LRRC4C: variants seen among roughly 807,000 people sequenced by gnomAD.
The protein encoded by LRRC4C is leucine-rich repeat-containing protein 4C.
Under a neutral mutation model 33.6 loss-of-function variants are expected in LRRC4C, and 5 were observed. The observed-to-expected ratio is 0.15, with a 90% confidence interval of 0.08 to 0.31. The LOEUF is 0.31. Ranked by LOEUF, LRRC4C falls within the 10% of genes least tolerant of loss-of-function variation. LRRC4C has a pLI of 1.00. For missense variants in LRRC4C, 560 were observed against 796.7 expected (o/e 0.70, Z 3.58); for synonymous variants, 329 against 302.0 (o/e 1.09, Z -0.93).
chr11:41,143,012 A>G (rs760091737), intron 1 of LRRC4C, among the ~76,000 whole-genome samples: 5 of 152,132 alleles, frequency 3.3e-5, no homozygotes, highest in Non-Finnish European at 7.4e-5. Context: ...GTTATAGAAA[A>G]TTCTAGATTC....
intron 2 of LRRC4C, among the ~76,000 whole-genome samples, chr11:40,688,145 A>G (rs1945049619): frequency 6.6e-6 from 1 of 152,126 alleles, no homozygotes; most frequent in African/African-American, 2.4e-5. Flanking sequence ...ATTATCCCGT[A>G]ATTAGTTTTT....
intron 2 of LRRC4C, among the ~76,000 whole-genome samples, chr11:40,884,895 CT>C (rs1210185618): frequency 6.6e-6 from 1 of 151,946 alleles, no homozygotes; most frequent in Non-Finnish European, 1.5e-5. Flanking sequence ...AAGTGAAATA[CT>C]TCATGTCCTC....
In LRRC4C at chr11:40,114,946, A is replaced by C. The variant is rs776756183; in HGVS notation, c.1347T>G (p.Thr449=). ...ATLNVTAATT[T]PFSYFSTVTV... is the part of the protein sequence containing the mutation. ...TGACGGTTGAAAAGTAAGAGAAAGG[A>C]GTAGTGGTTGCTGCAGTAACATTCA... The change falls in exon 7 of 7, where the codon ACT becomes ACG. Residue 449 remains threonine (T), a synonymous_variant. Coordinates refer to ENST00000528697, the MANE Select transcript of LRRC4C (RefSeq NM_001258419.2). 1 of 1,614,152 alleles carries C rather than the reference A, an allele frequency of 6.2e-7. No homozygotes were observed. Among genetic ancestry groups the C allele is most frequent in the Non-Finnish European group, 8.5e-7 (1 of 1,180,028 alleles).
intron 2 of LRRC4C, among the ~76,000 whole-genome samples, chr11:40,749,171 ATTC>A (rs1948568841): frequency 6.6e-6 from 1 of 152,156 alleles, no homozygotes; most frequent in Admixed American, 6.5e-5. Flanking sequence ...CAGAATACAT[ATTC>A]TTCTCATCAG....
intron 2 of LRRC4C, among the ~76,000 whole-genome samples, chr11:40,710,595 A>G (rs978834961): frequency 3.9e-5 from 6 of 152,146 alleles, no homozygotes; most frequent in African/African-American, 1.4e-4. Flanking sequence ...TTAGTCTCAG[A>G]GGGGCACCCG....
intron 1 of LRRC4C, among the ~76,000 whole-genome samples, chr11:41,386,474 C>A (rs1953365134): frequency 6.6e-6 from 1 of 151,636 alleles, no homozygotes; most frequent in Non-Finnish European, 1.5e-5. Flanking sequence ...AATCTAGTAT[C>A]TTAACTGCAG....
chr11:40,478,047 C>T (rs999688462), intron 3 of LRRC4C, among the ~76,000 whole-genome samples: 3 of 152,166 alleles, frequency 2.0e-5, no homozygotes, highest in Non-Finnish European at 4.4e-5. Context: ...ATGACTTGCT[C>T]CTCCTTGCCT....
intron 1 of LRRC4C, among the ~76,000 whole-genome samples, chr11:41,292,973 T>C (rs547559564): frequency 6.6e-6 from 1 of 152,138 alleles, no homozygotes; most frequent in Admixed American, 6.5e-5. Context: ...CCATTACTTA[T>C]AATATTGAAA....
At chr11:40,935,771 C>T (rs575588258) in intron 1 of LRRC4C, among the ~76,000 whole-genome samples, 6 of 151,640 alleles carry the variant, frequency 4.0e-5, no homozygotes, top group African/African-American at 1.2e-4. Context: ...GGGTGGTTGA[C>T]GTTTTCAGAT....
chr11:41,037,993 C>T (rs942031886), intron 1 of LRRC4C, among the ~76,000 whole-genome samples: 9 of 152,172 alleles, frequency 5.9e-5, no homozygotes, highest in Non-Finnish European at 1.3e-4. Context: ...CTGACGAAAA[C>T]GTCCAACCAC....
At chr11:41,400,753 A>G (rs2138101289) in intron 1 of LRRC4C, among the ~76,000 whole-genome samples, 1 of 152,034 alleles carries the variant, frequency 6.6e-6, no homozygotes, top group South Asian at 2.1e-4. Flanking sequence ...TTTTGTGTCC[A>G]TATGAGATTA....
At chr11:40,582,916 G>T (rs753489332) in intron 3 of LRRC4C, among the ~76,000 whole-genome samples, 6 of 151,876 alleles carry the variant, frequency 4.0e-5, no homozygotes, top group Non-Finnish European at 5.9e-5. Context: ...ATTCAATCAG[G>T]GTATTTAGAA....
intron 2 of LRRC4C, among the ~76,000 whole-genome samples, chr11:40,918,207 G>T (rs1479239265): frequency 2.6e-5 from 4 of 151,930 alleles, no homozygotes; most frequent in South Asian, 2.1e-4. Flanking sequence ...AGCAAAATAA[G>T]CTTCTGTGCA....
At chr11:40,711,439 CAGTAA>C (rs1191611302) in intron 2 of LRRC4C, among the ~76,000 whole-genome samples, 2 of 152,030 alleles carry the variant, frequency 1.3e-5, no homozygotes, top group Non-Finnish European at 2.9e-5. Flanking sequence ...AATTTTAGAA[CAGTAA>C]AGTATTTAAA....
intron 1 of LRRC4C, among the ~76,000 whole-genome samples, chr11:41,378,674 T>G (rs1206979801): frequency 6.6e-6 from 1 of 152,174 alleles, no homozygotes; most frequent in Non-Finnish European, 1.5e-5. Flanking sequence ...CTTGAATCTC[T>G]AAACAGGTTA....
chr11:41,447,847 T>C (rs561312880), intron 1 of LRRC4C, among the ~76,000 whole-genome samples: 5 of 152,162 alleles, frequency 3.3e-5, no homozygotes, highest in Non-Finnish European at 7.4e-5. Context: ...ACAAATATAT[T>C]GTACAAATAC....
At chr11:41,149,804 T>C (rs752603373) in intron 1 of LRRC4C, among the ~76,000 whole-genome samples, 3 of 152,106 alleles carry the variant, frequency 2.0e-5, no homozygotes, top group Admixed American at 6.6e-5. Context: ...AAACAGGAGT[T>C]AAGAGTAGTT....
intron 1 of LRRC4C, chr11:41,426,415 G>C (rs984217648): frequency 1.3e-5 from 2 of 152,124 alleles, no homozygotes; most frequent in African/African-American, 2.4e-5. Flanking sequence ...TCAGTTCTGT[G>C]CTGAAACATC....
intron 1 of LRRC4C, among the ~76,000 whole-genome samples, chr11:41,449,697 C>T (rs1219956258): frequency 6.6e-6 from 1 of 151,782 alleles, no homozygotes; most frequent in Non-Finnish European, 1.5e-5. Flanking sequence ...CTACTGGCCT[C>T]CCCCGACCCC....
Sources: allele counts gnomAD v4.1 joint callset (sites outside exome capture counted in the v4.1 genomes callset), GRCh38; gene constraint gnomAD v4.1.1; transcripts MANE v1.5; gene names NCBI Gene and HGNC (gene_info 2026-07-23, HGNC 2026-07-21).